COL18A1: variants seen among roughly 807,000 people sequenced by gnomAD.
COL18A1 encodes the protein collagen alpha-1(XVIII) chain.
A neutral mutation model predicts 168.0 loss-of-function variants in COL18A1; 133 were observed. The observed-to-expected ratio is 0.79, with a 90% CI of 0.69 to 0.91. The LOEUF is 0.91. Among genes scored for constraint, COL18A1 ranks in the 40% least tolerant of loss-of-function variants. The pLI is 0.00. For missense variants in COL18A1, 2,126 were observed against 1,925.4 expected (o/e 1.10, Z -1.95); for synonymous variants, 949 against 809.0 (o/e 1.17, Z -2.94).
chr21:45,419,001 G>A (rs973429623), intron 2 of COL18A1, among the ~76,000 whole-genome samples: 1 of 152,230 alleles, frequency 6.6e-6, no homozygotes, highest in Non-Finnish European at 1.5e-5. Flanking sequence ...AGGGCTGCAG[G>A]TCAGCTCTTC....
At position 45,442,671 on chromosome 21, in the gene COL18A1, C is replaced by G. The variant is rs1211447706; in HGVS notation, c.107-25571C>G. ...CAGCGGTGCTGGTGTGGGCGGCGGT[C>G]CTGGTGTGGGCGGTGGTGGTGCTGG... On this transcript the variant is annotated intron_variant, in intron 2 of 41. Coordinates refer to ENST00000651438, the MANE Select transcript of COL18A1 (RefSeq NM_001379500.1). Among the ~76,000 whole-genome samples the G allele has an allele frequency of 5.1e-3, 352 of 69,004 alleles. 1 individual carries two copies. Among genetic ancestry groups the G allele is most frequent in the African/African-American group, 0.023 (317 of 13,932 alleles). 45.3% of individuals were successfully genotyped at this position (69,004 alleles called of 152,430 possible). A position where few individuals can be genotyped will look rare whatever the true frequency, so the allele number is the denominator to read the frequency against.
chr21:45,479,862 G>A (rs772315442), intron 9 of COL18A1, 40 bp from the exon 10 acceptor site: 1 of 1,612,426 alleles, frequency 6.2e-7, no homozygotes. Flanking sequence ...GGCCCATGGT[G>A]GTGCCTTCCC....
chr21:45,479,914 C>T lies in COL18A1; in HGVS notation c.1261C>T (p.Pro421Ser), dbSNP rs375265466. 58 of 1,613,642 alleles carry T rather than the reference C, an allele frequency of 3.6e-5. 1 individual carries two copies. The African/African-American group carries it at 7.1e-4, about 20-fold the overall frequency. ...TGTTGTGTTCCAGGGCGACACCGGG[C>T]CACAAGGCTTCCCCGGGACTCCAGG... ...GEDGKPGDTGPQGFPGTPGDV... is the reference protein window; with the variant it reads ...GEDGKPGDTGSQGFPGTPGDV... The change falls in exon 10 of 42, where the codon CCA becomes TCA. Residue 421 changes from proline to serine, a missense_variant. Coordinates refer to ENST00000651438, the MANE Select transcript of COL18A1 (RefSeq NM_001379500.1).
At chr21:45,434,011 ATGTGTGTGCAGGTGCATGAGCCAGG>A (rs2034031948) in intron 2 of COL18A1, among the ~76,000 whole-genome samples, 6 of 109,472 alleles carry the variant, frequency 5.5e-5, no homozygotes, top group African/African-American at 2.9e-4. Context: ...TGCCAAACAG[ATGTGTGTGCAGGTGCATGAGCCAGG>A]TGTGTGAGCA....
chr21:45,426,670 C>T (rs2145773674), intron 2 of COL18A1, among the ~76,000 whole-genome samples: 1 of 152,334 alleles, frequency 6.6e-6, no homozygotes, highest in Non-Finnish European at 1.5e-5. Context: ...CATGCTCAGC[C>T]CTTGCGTGAG....
intron 2 of COL18A1, chr21:45,424,464 C>T (rs976366466): frequency 1.3e-5 from 2 of 152,330 alleles, no homozygotes; most frequent in African/African-American, 2.4e-5. Context: ...GACACCTGCC[C>T]CAAGGTGCCC....
In COL18A1 at chr21:45,509,617, A is replaced by G. The variant is rs1444185372; in HGVS notation, c.3495+16A>G. 18 of 1,366,000 alleles carry G rather than the reference A, an allele frequency of 1.3e-5. No individual in the cohort carries two copies. The highest frequency in any genetic ancestry group is 1.7e-5 in the Non-Finnish European group (17 of 992,386). 84.6% of individuals were successfully genotyped at this position (1,366,000 alleles called of 1,614,324 possible). On this transcript the variant is annotated intron_variant, in intron 39 of 41. Coordinates refer to ENST00000651438, the MANE Select transcript of COL18A1 (RefSeq NM_001379500.1). Reference sequence around the variant, plus strand: ...CCAGCCGGTGGTGAGTGCCCCCCCAAAGTGGGCTTGGCTCCATCTAGCCCC... The same window carrying G: ...CCAGCCGGTGGTGAGTGCCCCCCCAGAGTGGGCTTGGCTCCATCTAGCCCC...
intron 2 of COL18A1, among the ~76,000 whole-genome samples, chr21:45,430,314 C>T (rs189086820): frequency 6.6e-5 from 10 of 152,320 alleles, no homozygotes; most frequent in Admixed American, 5.9e-4. Context: ...CTGTGGTGGT[C>T]AGAGCTAAGG....
chr21:45,454,637 C>T (rs375982907), intron 2 of COL18A1, among the ~76,000 whole-genome samples: 5 of 152,292 alleles, frequency 3.3e-5, no homozygotes, highest in South Asian at 2.1e-4. Context: ...TGAAATGGGC[C>T]GATGGCCAGG....
At chr21:45,492,744 G>GCCCGCCACTGCACT in intron 24 of COL18A1, 31 bp downstream of exon 24, 1 of 1,551,336 alleles carries the variant, frequency 6.4e-7, no homozygotes, top group Non-Finnish European at 8.8e-7. Context: ...GCTGCATGCT[G>GCCCGCCACTGCACT]CCCGGCTGGG....
At chr21:45,430,398 G>A (rs1396193871) in intron 2 of COL18A1, among the ~76,000 whole-genome samples, 2 of 152,194 alleles carry the variant, frequency 1.3e-5, no homozygotes, top group Non-Finnish European at 2.9e-5. Context: ...CTTTTCATAG[G>A]CTACGACTGA....
At chr21:45,465,824 G>A (rs1247375544) in intron 2 of COL18A1, among the ~76,000 whole-genome samples, 1 of 152,228 alleles carries the variant, frequency 6.6e-6, no homozygotes, top group Admixed American at 6.5e-5. Context: ...TCCGTGGAGT[G>A]CACGTGTCTG....
chr21:45,453,049 T>C (rs1211021020), intron 2 of COL18A1, among the ~76,000 whole-genome samples: 1 of 152,082 alleles, frequency 6.6e-6, no homozygotes, highest in Non-Finnish European at 1.5e-5. Context: ...CATGTAAGCA[T>C]GTATGTACAT....
chr21:45,427,432 C>T (rs2033836212), intron 2 of COL18A1, among the ~76,000 whole-genome samples: 1 of 152,156 alleles, frequency 6.6e-6, no homozygotes, highest in South Asian at 2.1e-4. Context: ...CCTCCCATGT[C>T]TGCCTCAGGC....
Position 45,457,820 on chromosome 21 carries a change from A to G in COL18A1, c.107-10422A>G, listed in dbSNP as rs927820501. Among the ~76,000 whole-genome samples, 3 of 152,072 alleles carry G rather than the reference A, an allele frequency of 2.0e-5. No homozygotes were observed. The highest frequency in any genetic ancestry group is 2.0e-4 in the Admixed American group (3 of 15,276). ...TGCTGTTTGCTCTTTGGGCTTTGGG[A>G]CAGGGTTGGTGGGGGTTAGCAGCTG... is the stretch of plus-strand genomic sequence containing the variant. On this transcript the variant is annotated intron_variant, in intron 2 of 41. Coordinates refer to ENST00000651438, the MANE Select transcript of COL18A1 (RefSeq NM_001379500.1). The surrounding 1 kb of genome is among the most constrained non-coding windows in gnomAD (Gnocchi z 4.6).
Position 45,494,848 on chromosome 21 carries a change from C to T in COL18A1, c.2380-14C>T, listed in dbSNP as rs764889872. ...GGGTCTGCCCCACTAAGCCTGGCCC[C>T]CTTCCTCTTGCAGGGTCCATACGGA... On this transcript the variant is annotated splice_polypyrimidine_tract_variant and intron_variant, in intron 27 of 41. Coordinates refer to ENST00000651438, the MANE Select transcript of COL18A1 (RefSeq NM_001379500.1). The T allele has an allele frequency of 2.5e-6, 4 of 1,605,384 alleles. No individual in the cohort carries two copies. The highest frequency in any genetic ancestry group is 2.2e-5 in the South Asian group (2 of 89,778).
At chr21:45,492,601 G>C in intron 23 of COL18A1, 37 bp downstream of exon 23, 2 of 1,612,578 alleles carry the variant, frequency 1.2e-6, no homozygotes, top group South Asian at 2.2e-5. Flanking sequence ...ACGGGCCTGC[G>C]GGGACCTGGG....
At position 45,457,481 on chromosome 21, in the gene COL18A1, C is replaced by T. The variant is rs895216564; in HGVS notation, c.107-10761C>T. Among the ~76,000 whole-genome samples the T allele has an allele frequency of 2.0e-5, 3 of 152,214 alleles. No homozygotes were observed. The highest frequency in any genetic ancestry group is 4.8e-5 in the African/African-American group (2 of 41,450). ...ACAGCCTCCCTGCCACAGTGGGGGC[C>T]GCTTCTGGGCCCAGGGGACGTTGCC... On this transcript the variant is annotated intron_variant, in intron 2 of 41. Transcript: ENST00000651438. This position sits in a 1 kb window ranked among gnomAD's most constrained non-coding sequence, Gnocchi z 4.6.
At chr21:45,433,411 C>T (rs997342163) in intron 2 of COL18A1, among the ~76,000 whole-genome samples, 6 of 152,302 alleles carry the variant, frequency 3.9e-5, no homozygotes, top group Non-Finnish European at 5.9e-5. Flanking sequence ...TCTTTGTGTG[C>T]GTCTGTGCCT....
Sources: allele counts gnomAD v4.1 joint callset (sites outside exome capture counted in the v4.1 genomes callset), GRCh38; gene constraint gnomAD v4.1.1; non-coding constraint Gnocchi (gnomAD v3.1); transcripts MANE v1.5; gene names NCBI Gene and HGNC (gene_info 2026-07-23, HGNC 2026-07-21).